The following FMNL3 variants were observed in gnomAD, a reference collection of about 807,000 sequenced individuals.
FMNL3 encodes formin-like protein 3.
FMNL3 carries 57 observed loss-of-function variants against 119.6 expected under a neutral mutation model. That is an observed-to-expected ratio of 0.48 (90% confidence interval 0.39 to 0.59). The LOEUF is 0.59. Among genes scored for constraint, FMNL3 ranks in the 20% least tolerant of loss-of-function variants. FMNL3 has a pLI of 0.00. For synonymous variants in FMNL3, 491 were observed against 507.3 expected, an observed-to-expected ratio of 0.97 and a Z score of 0.43; for missense variants, 1,053 against 1,323.5, an observed-to-expected ratio of 0.80 and a Z score of 3.17.
In FMNL3 at chr12:49,647,855, G is replaced by C. The variant is rs750555632; in HGVS notation, c.2677-51C>G. 2 of 1,407,552 alleles carry C rather than the reference G, an allele frequency of 1.4e-6. No individual in the cohort carries two copies. The highest frequency in any genetic ancestry group is 2.0e-6 in the Non-Finnish European group (2 of 994,768). The allele number at this position is 1,407,552 out of a possible 1,614,324, so 87.2% of individuals were successfully genotyped here. A position where few individuals can be genotyped will look rare whatever the true frequency, so the allele number is the denominator to read the frequency against. ...TCACCCTGGCAGGAAGATCAGCCCA[G>C]CTCCCACACCACGGATGAGAGGCCT... On this transcript the variant is annotated intron_variant, in intron 22 of 25. Transcript: ENST00000335154. This position sits in a 1 kb window ranked among gnomAD's most constrained non-coding sequence, Gnocchi z 4.9.
chr12:49,644,144 GGA>G lies in FMNL3; in HGVS notation c.*1669_*1670del. On this transcript the variant is annotated 3_prime_UTR_variant, in exon 26 of 26. Transcript: ENST00000335154. Reference sequence around the variant, plus strand: ...AAAGTGAGCTGAGTGAGGGTGAGCTGGAGAGGCGGCGGCGGACACTCCTACAG... The same window carrying G: ...AAAGTGAGCTGAGTGAGGGTGAGCTGGAGGCGGCGGCGGACACTCCTACAG... The G allele has an allele frequency of 1.2e-6, 2 of 1,614,180 alleles. No homozygotes were observed. Among genetic ancestry groups the G allele is most frequent in the Non-Finnish European group, 1.7e-6 (2 of 1,180,040 alleles).
chr12:49,704,481 C>T (rs1205609688), intron 1 of FMNL3, among the ~76,000 whole-genome samples: 3 of 152,074 alleles, frequency 2.0e-5, no homozygotes, highest in East Asian at 1.9e-4. Context: ...GAGGCCAAGG[C>T]GGGTGGATCA....
At chr12:49,693,592 C>T (rs1290737893) in intron 1 of FMNL3, among the ~76,000 whole-genome samples, 1 of 143,004 alleles carries the variant, frequency 7.0e-6, no homozygotes, top group African/African-American at 2.6e-5. Context: ...TGGTCTTGAA[C>T]TCCTGGGCTG....
At position 49,651,897 on chromosome 12, in the gene FMNL3, C is replaced by G. The variant is rs768174531; in HGVS notation, c.1603+36G>C. ...TACAGTTTTGGTCCCCACAAAGAGG[C>G]TGCCCCTGTTGGCTCCCAGGGGTCG... On this transcript the variant is annotated intron_variant, in intron 14 of 25. Coordinates refer to ENST00000335154, the MANE Select transcript of FMNL3 (RefSeq NM_175736.5). 16 of 1,531,310 alleles carry G rather than the reference C, an allele frequency of 1.0e-5. No homozygotes were observed. The African/African-American group carries it at 2.1e-4, about 20-fold the overall frequency. The allele number at this position is 1,531,310 out of a possible 1,614,324, so 94.9% of individuals were successfully genotyped here.
At chr12:49,693,534 C>T (rs1391480752) in intron 1 of FMNL3, among the ~76,000 whole-genome samples, 2 of 151,016 alleles carry the variant, frequency 1.3e-5, no homozygotes, top group East Asian at 1.9e-4. Context: ...CGCACCACTA[C>T]ACCCAGCTAA....
intron 1 of FMNL3, among the ~76,000 whole-genome samples, chr12:49,699,185 A>C (rs1315609577): frequency 6.6e-6 from 1 of 152,176 alleles, no homozygotes; most frequent in Non-Finnish European, 1.5e-5. Flanking sequence ...CTGGTCTGGC[A>C]GACCAGATGA....
At position 49,654,999 on chromosome 12, in the gene FMNL3, T is replaced by G; in HGVS notation, c.886-15A>C. ...TCCTTGCATACCTGAATGAGCAAAC[T>G]TTCTCAGTGAAAGGATCTGCTCCAT... On this transcript the variant is annotated splice_polypyrimidine_tract_variant and intron_variant, in intron 9 of 25. Transcript: ENST00000335154. 1 of 1,613,268 alleles carries G rather than the reference T, an allele frequency of 6.2e-7. No individual in the cohort carries two copies.
Position 49,668,453 on chromosome 12 carries a change from C to G in FMNL3, c.210+18G>C, listed in dbSNP as rs1413902623. The G allele has an allele frequency of 3.7e-6, 6 of 1,613,308 alleles. No homozygotes were observed. Among genetic ancestry groups the G allele is most frequent in the Non-Finnish European group, 5.1e-6 (6 of 1,179,732 alleles). On this transcript the variant is annotated intron_variant, in intron 2 of 25. Transcript: ENST00000335154. ...AGACACAACTCCCTACCTCCCTCCT[C>G]TTTCCCAAACCCCATACCTGGTCAC...
At chr12:49,678,575 G>A (rs1370881336) in intron 1 of FMNL3, among the ~76,000 whole-genome samples, 1 of 152,140 alleles carries the variant, frequency 6.6e-6, no homozygotes, top group Non-Finnish European at 1.5e-5. Flanking sequence ...TGATCCTCCT[G>A]CCTCAGCCCC....
intron 1 of FMNL3, among the ~76,000 whole-genome samples, chr12:49,670,039 G>A (rs1944002337): frequency 6.6e-6 from 1 of 152,202 alleles, no homozygotes; most frequent in Admixed American, 6.5e-5. Context: ...CATAGTGCCA[G>A]CCACCTAGAA....
intron 4 of FMNL3, among the ~76,000 whole-genome samples, chr12:49,665,131 C>T (rs1462287470): frequency 6.6e-6 from 1 of 151,958 alleles, no homozygotes; most frequent in Non-Finnish European, 1.5e-5. Context: ...TTGCTGATTA[C>T]AGTTTCGTAA....
chr12:49,652,604 A>G (rs528401020), intron 13 of FMNL3, among the ~76,000 whole-genome samples: 2 of 152,130 alleles, frequency 1.3e-5, no homozygotes, highest in South Asian at 2.1e-4. Context: ...TAATGGCTCA[A>G]TTGGAAGCCC....
At chr12:49,700,669 C>T (rs977328399) in intron 1 of FMNL3, among the ~76,000 whole-genome samples, 5 of 138,850 alleles carry the variant, frequency 3.6e-5, no homozygotes, top group African/African-American at 1.4e-4. Context: ...GAGCCGAGAT[C>T]GCACCATTGC....
chr12:49,653,206 C>T lies in FMNL3; in HGVS notation c.1323+20G>A, dbSNP rs763566458. The T allele has an allele frequency of 8.1e-6, 13 of 1,611,500 alleles. No individual in the cohort carries two copies. The highest frequency in any genetic ancestry group is 1.7e-4 in the Middle Eastern group (1 of 6,056). On this transcript the variant is annotated intron_variant, in intron 13 of 25. Coordinates refer to ENST00000335154, the MANE Select transcript of FMNL3 (RefSeq NM_175736.5). ...GAGCCCAGGATCAGTCAGGGACTGCCTTCCCCAGAGTACTTGTACCTTGAT... is the reference window on the plus strand; with the variant it reads ...GAGCCCAGGATCAGTCAGGGACTGCTTTCCCCAGAGTACTTGTACCTTGAT...
Position 49,643,852 on chromosome 12 carries a change from C to T in FMNL3, c.*1963G>A, listed in dbSNP as rs774806697. 6.2e-7 allele frequency: 1 copy of T among 1,614,142 alleles called. No homozygotes were observed. Among genetic ancestry groups the T allele is most frequent in the Middle Eastern group, 1.6e-4 (1 of 6,062 alleles). On this transcript the variant is annotated 3_prime_UTR_variant, in exon 26 of 26. Coordinates refer to ENST00000335154, the MANE Select transcript of FMNL3 (RefSeq NM_175736.5). ...AGGAACTGAGGAGGTGGGCTCTGGA[C>T]TCTTACAGAATAGTCCTGAGAGTGA...
At chr12:49,646,702 A>T (rs1304479188) in intron 25 of FMNL3, 184 bp downstream of exon 25, 1 of 1,540,608 alleles carries the variant, frequency 6.5e-7, no homozygotes. Flanking sequence ...ATCACAGAAG[A>T]AGCGTGAGCC....
intron 1 of FMNL3, among the ~76,000 whole-genome samples, chr12:49,670,482 A>T (rs1014454795): frequency 6.6e-6 from 1 of 152,218 alleles, no homozygotes; most frequent in Non-Finnish European, 1.5e-5. Flanking sequence ...CTGAGCTACA[A>T]GCCCAGCTAC....
rs745546676 is a variant in FMNL3, at chr12:49,641,963, T to C, written c.*3852A>G. The C allele has an allele frequency of 6.2e-7, 1 of 1,613,972 alleles. No individual in the cohort carries two copies. The highest frequency in any genetic ancestry group is 8.5e-7 in the Non-Finnish European group (1 of 1,180,036). ...GCCTTTGAGGACTTCGCCCACGTCA[T>C]AAGCTTTGACAAGAGGGCTGCCGCA... On this transcript the variant is annotated 3_prime_UTR_variant, in exon 26 of 26. Transcript: ENST00000335154.
At chr12:49,666,641 A>T (rs1158416628) in intron 2 of FMNL3, among the ~76,000 whole-genome samples, 1 of 151,998 alleles carries the variant, frequency 6.6e-6, no homozygotes, top group Non-Finnish European at 1.5e-5. Context: ...AAAAAACTTT[A>T]AAAAATTAGC....
Sources: allele counts gnomAD v4.1 joint callset (sites outside exome capture counted in the v4.1 genomes callset), GRCh38; gene constraint gnomAD v4.1.1; non-coding constraint Gnocchi (gnomAD v3.1); transcripts MANE v1.5; gene names NCBI Gene and HGNC (gene_info 2026-07-23, HGNC 2026-07-21).